Variants in PCSK5 observed in about 807,000 individuals in gnomAD.
PCSK5 encodes proprotein convertase subtilisin/kexin type 5.
A neutral mutation model predicts 233.2 loss-of-function variants in PCSK5; 129 were observed. The ratio of observed to expected loss-of-function variants is 0.55; its 90% CI spans 0.48 to 0.64. The LOEUF (loss-of-function observed/expected upper bound fraction) is 0.64, where lower values mean the gene tolerates loss of function less well. Ranked by LOEUF, PCSK5 falls within the 30% of genes least tolerant of loss-of-function variation. The pLI is 0.00. For synonymous variants in PCSK5, 825 were observed against 879.2 expected, an observed-to-expected ratio of 0.94 and a Z score of 1.09; for missense variants, 2,076 against 2,430.1, an observed-to-expected ratio of 0.85 and a Z score of 3.06.
chr9:76,050,531 A>G (rs968055972), intron 5 of PCSK5, among the ~76,000 whole-genome samples: 13 of 152,202 alleles, frequency 8.5e-5, no homozygotes, highest in African/African-American at 3.1e-4. Flanking sequence ...TGATGATGTG[A>G]AATTATAGGA....
At chr9:76,156,927 A>G (rs2131812736) in intron 10 of PCSK5, 118 bp from the exon 11 acceptor site, 1 of 704,586 alleles carries the variant, frequency 1.4e-6, no homozygotes, top group Non-Finnish European at 2.6e-6. Context: ...TATTTCTCAA[A>G]TCATTGCTGG....
intron 5 of PCSK5, among the ~76,000 whole-genome samples, chr9:76,053,453 C>T (rs555096305): frequency 2.0e-5 from 3 of 152,342 alleles, no homozygotes; most frequent in East Asian, 3.9e-4. Context: ...TTTTCTATTG[C>T]TTCGTTAGGC....
chr9:76,247,322 G>A (rs1471481795), intron 24 of PCSK5, among the ~76,000 whole-genome samples: 1 of 152,196 alleles, frequency 6.6e-6, no homozygotes, highest in South Asian at 2.1e-4. Context: ...GAGTGAAATA[G>A]AGTGGAAACA....
intron 5 of PCSK5, among the ~76,000 whole-genome samples, chr9:76,060,507 A>AG (rs1382879518): frequency 6.6e-6 from 1 of 152,162 alleles, no homozygotes; most frequent in African/African-American, 2.4e-5. Context: ...AGGGGTGGGA[A>AG]GGGTGGAAGA....
Position 76,321,470 on chromosome 9 carries a change from C to A in PCSK5, c.3933C>A (p.Cys1311Ter). ...TATGTGAACGCTGTAGCTCTCCTTGCAGAACATGTGAAGGAAACGCCACCA... is the reference window on the plus strand; with the variant it reads ...TATGTGAACGCTGTAGCTCTCCTTGAAGAACATGTGAAGGAAACGCCACCA... ...DGICERCSSP[C>*]RTCEGNATNC... The change falls in exon 31 of 38, where the codon TGC becomes TGA. Residue 1311 changes from cysteine (C) to a stop codon, truncating the protein, a stop_gained. Coordinates refer to ENST00000674117, the MANE Select transcript of PCSK5 (RefSeq NM_001372043.1). LOFTEE classifies it high-confidence loss of function. 6.2e-7 allele frequency: 1 copy of A among 1,611,432 alleles called. No homozygotes were observed. The highest frequency in any genetic ancestry group is 2.2e-5 in the East Asian group (1 of 44,876).
chr9:76,194,478 T>C (rs183148943), intron 20 of PCSK5: 1 of 153,144 alleles, frequency 6.5e-6, no homozygotes, highest in African/African-American at 2.4e-5. Context: ...AAACTGGAAA[T>C]TGAATATGGG....
chr9:76,044,161 A>G (rs1829271791), intron 5 of PCSK5, among the ~76,000 whole-genome samples: 1 of 152,228 alleles, frequency 6.6e-6, no homozygotes, highest in Admixed American at 6.5e-5. Context: ...AACAAATCAG[A>G]TATAATTAGA....
At chr9:76,274,009 G>C (rs1450534860) in intron 24 of PCSK5, among the ~76,000 whole-genome samples, 2 of 150,314 alleles carry the variant, frequency 1.3e-5, no homozygotes, top group Non-Finnish European at 3.0e-5. Flanking sequence ...GGATTTTATT[G>C]TTATCAAATA....
chr9:76,348,433 A>G (rs560706867), intron 35 of PCSK5, among the ~76,000 whole-genome samples: 4 of 151,606 alleles, frequency 2.6e-5, no homozygotes, highest in African/African-American at 9.7e-5. Flanking sequence ...AAGAATATAT[A>G]TTAGTTGGGT....
intron 3 of PCSK5, among the ~76,000 whole-genome samples, chr9:75,992,884 G>C (rs571480603): frequency 2.6e-5 from 4 of 152,172 alleles, no homozygotes; most frequent in Non-Finnish European, 5.9e-5. Context: ...TCAGCAGAGT[G>C]AAAATTAGCT....
intron 24 of PCSK5, chr9:76,287,908 G>A: frequency 5.4e-6 from 1 of 184,340 alleles, no homozygotes; most frequent in Admixed American, 5.0e-5. Flanking sequence ...GGGCCCCAGG[G>A]CACCAGCAAA....
intron 5 of PCSK5, among the ~76,000 whole-genome samples, chr9:76,054,834 C>T (rs1423996097): frequency 6.6e-6 from 1 of 152,086 alleles, no homozygotes; most frequent in Admixed American, 6.5e-5. Context: ...CTGGTTTTGA[C>T]ATGCATGTGT....
intron 33 of PCSK5, among the ~76,000 whole-genome samples, chr9:76,330,351 A>G (rs1445384353): frequency 1.3e-5 from 2 of 152,218 alleles, no homozygotes; most frequent in Non-Finnish European, 2.9e-5. Context: ...AAAAGAAGTC[A>G]TAGGAGACAG....
rs1388305793 is a variant in PCSK5 at position 76,219,231 on chromosome 9, G to C, written c.2627-8272G>C. On this transcript the variant is annotated intron_variant, in intron 20 of 37. Transcript: ENST00000674117. Reference sequence around the variant, plus strand: ...GTAAAGAAATAGGAAAGGAGTGTGGGAGATGAATGATGAGCCAGCACTTTC... The same window carrying C: ...GTAAAGAAATAGGAAAGGAGTGTGGCAGATGAATGATGAGCCAGCACTTTC... Among the ~76,000 whole-genome samples the C allele has an allele frequency of 3.9e-5, 6 of 152,172 alleles. 1 individual carries two copies. The highest frequency in any genetic ancestry group is 3.9e-4 in the Admixed American group (6 of 15,278).
intron 20 of PCSK5, among the ~76,000 whole-genome samples, chr9:76,219,715 C>T (rs1019159216): frequency 6.6e-6 from 1 of 152,194 alleles, no homozygotes; most frequent in African/African-American, 2.4e-5. Flanking sequence ...TCTCCTGCTG[C>T]GGGCTTGCAT....
intron 1 of PCSK5, among the ~76,000 whole-genome samples, chr9:75,930,401 G>C (rs963203597): frequency 1.3e-5 from 2 of 152,162 alleles, no homozygotes; most frequent in Non-Finnish European, 2.9e-5. Flanking sequence ...CAGGCCCCTA[G>C]GTCGGAGGAG....
chr9:76,350,978 A>G lies in PCSK5; in HGVS notation c.5067+50A>G, dbSNP rs201976571. On this transcript the variant is annotated intron_variant, in intron 36 of 37. Transcript: ENST00000674117. ...CCTTCTGCTCTTTCTAGAGGGAAAC[A>G]TGAGCTTACTTCCTGCATGTCATTC... 271 of 896,596 alleles carry G rather than the reference A, an allele frequency of 3.0e-4. 3 individuals are homozygous for G. The highest frequency in any genetic ancestry group is 2.9e-3 in the African/African-American group (174 of 59,412). The allele number at this position is 896,596 out of a possible 1,614,324, so 55.5% of individuals were successfully genotyped here.
intron 5 of PCSK5, among the ~76,000 whole-genome samples, chr9:76,060,433 C>T (rs542411423): frequency 6.6e-6 from 1 of 152,210 alleles, no homozygotes; most frequent in South Asian, 2.1e-4. Context: ...TAAAGGTCTG[C>T]ATCCTCATCG....
intron 24 of PCSK5, among the ~76,000 whole-genome samples, chr9:76,270,205 T>C (rs1827468894): frequency 1.3e-5 from 2 of 152,220 alleles, no homozygotes; most frequent in African/African-American, 4.8e-5. Flanking sequence ...GTTTTGTTTT[T>C]CAGCAGTTTT....
Sources: allele counts gnomAD v4.1 joint callset (sites outside exome capture counted in the v4.1 genomes callset), GRCh38; gene constraint gnomAD v4.1.1; transcripts MANE v1.5; gene names NCBI Gene and HGNC (gene_info 2026-07-23, HGNC 2026-07-21).